SCRN1: variants seen among roughly 807,000 people sequenced by gnomAD.
SCRN1 encodes the protein secernin-1.
A neutral mutation model predicts 43.3 loss-of-function variants in SCRN1; 19 were observed. The ratio of observed to expected loss-of-function variants is 0.44; its 90% CI spans 0.31 to 0.64. SCRN1 has a LOEUF of 0.64. Among genes scored for constraint, SCRN1 ranks in the 30% least tolerant of loss-of-function variants. The pLI is 0.09. For synonymous variants in SCRN1, 183 were observed against 188.9 expected (o/e 0.97, Z 0.26); for missense variants, 447 against 524.1 (o/e 0.85, Z 1.44).
chr7:29,936,217 T>C (rs949718374), intron 6 of SCRN1, among the ~76,000 whole-genome samples: 2 of 152,234 alleles, frequency 1.3e-5, no homozygotes, highest in Non-Finnish European at 2.9e-5. Context: ...GTATCCCTCA[T>C]GTACCACACA....
chr7:29,989,876 C>A, upstream of SCRN1: 2 of 1,029,504 alleles, frequency 1.9e-6, no homozygotes, highest in Non-Finnish European at 2.3e-6. Flanking sequence ...TCCGCCTCCC[C>A]CACCCCGGCC....
At chr7:29,933,334 G>A (rs1182588479) in intron 6 of SCRN1, among the ~76,000 whole-genome samples, 2 of 152,080 alleles carry the variant, frequency 1.3e-5, no homozygotes, top group African/African-American at 2.4e-5. Flanking sequence ...CCATTTCAAG[G>A]GGCCAATGAC....
chr7:29,964,357 T>C (rs962663704), intron 2 of SCRN1, among the ~76,000 whole-genome samples: 5 of 152,160 alleles, frequency 3.3e-5, no homozygotes, highest in African/African-American at 1.2e-4. Context: ...TCATCAAGCT[T>C]GGAAAAGACA....
At chr7:29,953,533 T>TAA (rs79449871) in intron 3 of SCRN1, among the ~76,000 whole-genome samples, 1 of 141,292 alleles carries the variant, frequency 7.1e-6, no homozygotes. Flanking sequence ...AAACATAAGC[T>TAA]AAAAAAAAAA....
At position 29,923,771 on chromosome 7, in the gene SCRN1, C is replaced by A; in HGVS notation, c.*186G>T. 1.5e-6 allele frequency: 1 copy of A among 652,340 alleles called. No homozygotes were observed. The highest frequency in any genetic ancestry group is 2.7e-6 in the Non-Finnish European group (1 of 374,168). 40.4% of individuals were successfully genotyped at this position (652,340 alleles called of 1,614,324 possible). The stretch of plus-strand genomic sequence containing the variant: ...CATGTTACACTGCACAGGAAGGAGA[C>A]CTACATTGCAGAAGGGGACGCTGTG... On this transcript the variant is annotated 3_prime_UTR_variant, in exon 8 of 8. Coordinates refer to ENST00000242059, the MANE Select transcript of SCRN1 (RefSeq NM_014766.5).
At chr7:29,969,130 T>A in intron 1 of SCRN1, 62 bp from the exon 2 acceptor site, 1 of 1,552,342 alleles carries the variant, frequency 6.4e-7, no homozygotes, top group African/African-American at 1.4e-5. Flanking sequence ...CAACAGTGAG[T>A]TCTTCAAACA....
At chr7:29,988,345 A>G (rs1789229680) in intron 1 of SCRN1, among the ~76,000 whole-genome samples, 1 of 152,362 alleles carries the variant, frequency 6.6e-6, no homozygotes, top group Non-Finnish European at 1.5e-5. Context: ...TAGGTTTTGT[A>G]TCATCTTTTG....
At chr7:29,951,219 C>T (rs1332026788) in intron 3 of SCRN1, among the ~76,000 whole-genome samples, 2 of 152,250 alleles carry the variant, frequency 1.3e-5, no homozygotes, top group Non-Finnish European at 2.9e-5. Flanking sequence ...GCTGCAGCCT[C>T]GCACAGAGCT....
intron 5 of SCRN1, among the ~76,000 whole-genome samples, chr7:29,938,010 C>T (rs755136909): frequency 6.6e-6 from 1 of 152,064 alleles, no homozygotes; most frequent in African/African-American, 2.4e-5. Flanking sequence ...GGAAACGTCT[C>T]TGCCTCTTGT....
intron 2 of SCRN1, among the ~76,000 whole-genome samples, chr7:29,960,107 T>C (rs1221247458): frequency 1.3e-5 from 2 of 152,068 alleles, no homozygotes; most frequent in Non-Finnish European, 2.9e-5. Flanking sequence ...TACTTTCCTA[T>C]TGTAAGAAAT....
chr7:29,941,759 G>A (rs932818789), intron 4 of SCRN1, among the ~76,000 whole-genome samples: 1 of 152,136 alleles, frequency 6.6e-6, no homozygotes, highest in African/African-American at 2.4e-5. Context: ...TGTCTTCTTC[G>A]AAGCCTGAGC....
chr7:29,988,095 C>T (rs1290263945), intron 1 of SCRN1, among the ~76,000 whole-genome samples: 1 of 152,172 alleles, frequency 6.6e-6, no homozygotes, highest in Non-Finnish European at 1.5e-5. Context: ...TTTCCCATTT[C>T]CTCATGCCTG....
In SCRN1 at chr7:29,944,596, G is replaced by A. The variant is rs114309969; in HGVS notation, c.342-417C>T. Among the ~76,000 whole-genome samples, 460 of 149,364 alleles carry A rather than the reference G, an allele frequency of 3.1e-3. 6 individuals are homozygous for A. The highest frequency in any genetic ancestry group is 0.011 in the African/African-American group (437 of 40,440). On this transcript the variant is annotated intron_variant, in intron 3 of 7. Transcript: ENST00000242059. ...TACGATCGCTTAAGCCAAGCAGGTC[G>A]AGGCTGCAGTGAGCCATGATCATGC... is the stretch of plus-strand genomic sequence containing the variant.
intron 1 of SCRN1, among the ~76,000 whole-genome samples, chr7:29,980,608 T>C (rs1021249085): frequency 1.3e-5 from 2 of 152,216 alleles, no homozygotes; most frequent in Admixed American, 6.5e-5. Context: ...TAGCCAAACA[T>C]TCATTTTCTA....
chr7:29,978,412 C>A (rs1001516440), intron 1 of SCRN1, among the ~76,000 whole-genome samples: 4 of 152,158 alleles, frequency 2.6e-5, no homozygotes, highest in African/African-American at 7.2e-5. Flanking sequence ...TTCCTATTGT[C>A]CCCTCCACTC....
chr7:29,937,982 T>G (rs982189994), intron 5 of SCRN1, among the ~76,000 whole-genome samples: 2 of 152,162 alleles, frequency 1.3e-5, no homozygotes. Context: ...TTGATTTGAA[T>G]TGGAACCAAT....
In SCRN1 at chr7:29,985,127, C is replaced by A. The variant is rs1789110615; in HGVS notation, c.-2+4515G>T. ...TCATCCTAAAAGGAAGGAGACTGGGCTGGGCGCGGTGGCTCACACCTGTAA... is the reference window on the plus strand; with the variant it reads ...TCATCCTAAAAGGAAGGAGACTGGGATGGGCGCGGTGGCTCACACCTGTAA... On this transcript the variant is annotated intron_variant, in intron 1 of 7. Transcript: ENST00000242059. Among the ~76,000 whole-genome samples the A allele has an allele frequency of 1.4e-5, 2 of 143,642 alleles. 1 individual carries two copies. The highest frequency in any genetic ancestry group is 3.1e-5 in the Non-Finnish European group (2 of 65,568). The allele number at this position is 143,642 out of a possible 152,430, so 94.2% of individuals were successfully genotyped here.
chr7:29,986,469 A>G (rs1049990763), intron 1 of SCRN1, among the ~76,000 whole-genome samples: 2 of 152,092 alleles, frequency 1.3e-5, no homozygotes, highest in Non-Finnish European at 2.9e-5. Context: ...GCATATCTCA[A>G]TACAAACTAG....
chr7:29,959,883 TG>T (rs1788249609), intron 2 of SCRN1, among the ~76,000 whole-genome samples: 3 of 149,406 alleles, frequency 2.0e-5, no homozygotes, highest in Admixed American at 6.7e-5. Context: ...CATACAAGAC[TG>T]GGGACTCCTG....
Sources: allele counts gnomAD v4.1 joint callset (sites outside exome capture counted in the v4.1 genomes callset), GRCh38; gene constraint gnomAD v4.1.1; transcripts MANE v1.5; gene names NCBI Gene and HGNC (gene_info 2026-07-23, HGNC 2026-07-21).